Variants in SLBP observed in about 807,000 individuals in gnomAD.
SLBP encodes the protein histone RNA hairpin-binding protein.
In SLBP, 29 loss-of-function variants were observed where a neutral mutation model predicts 39.2. That is an observed-to-expected ratio of 0.74 (90% confidence interval 0.55 to 1.01). The LOEUF is 1.01. Ranked by LOEUF, SLBP falls within the 50% of genes least tolerant of loss-of-function variation. The pLI, the probability that SLBP is intolerant of heterozygous loss-of-function variation, is 0.00. For synonymous variants in SLBP, 129 were observed against 118.7 expected (o/e 1.09, Z -0.57); for missense variants, 390 against 350.2 (o/e 1.11, Z -0.91).
chr4:1,711,935 G>T lies in SLBP; in HGVS notation c.115C>A (p.Arg39Ser). 1 of 1,351,980 alleles carries T rather than the reference G, an allele frequency of 7.4e-7. No individual in the cohort carries two copies. The highest frequency in any genetic ancestry group is 3.1e-5 in the East Asian group (1 of 32,428). 83.7% of individuals were successfully genotyped at this position (1,351,980 alleles called of 1,614,324 possible). Residue 39 changes from arginine to serine, a missense_variant, in exon 2 of 8, where the codon CGC (arginine) becomes AGC (serine). By Grantham distance (110) the Arg-to-Ser change is moderately radical. Coordinates refer to ENST00000489418, the MANE Select transcript of SLBP (RefSeq NM_006527.4). ...LGRKRRADGR[R>S]WRPEDAEEAE... is the part of the protein sequence containing the mutation. ...TCCTCGGCGTCTTCGGGCCTCCAGC[G>T]CCTGCCGTCGGCTCTGCGCTTCCGT...
rs1716820504 is a variant in SLBP, at chr4:1,712,316, C to G, written c.-128G>C. On this transcript the variant is annotated 5_prime_UTR_variant, in exon 1 of 8. Transcript: ENST00000489418. Reference sequence around the variant, plus strand: ...GCGTCCCCGCGCCGGCGCTCACGAGCTCTGCGCGCCCCGCCCCCAACCGCC... The same window carrying G: ...GCGTCCCCGCGCCGGCGCTCACGAGGTCTGCGCGCCCCGCCCCCAACCGCC... The G allele has an allele frequency of 9.5e-6, 5 of 524,116 alleles. No individual in the cohort carries two copies. The East Asian group carries it at 1.8e-4, about 19-fold the overall frequency. 32.5% of individuals were successfully genotyped at this position (524,116 alleles called of 1,614,324 possible).
At chr4:1,707,365 G>A (rs1716563676) in intron 2 of SLBP, among the ~76,000 whole-genome samples, 1 of 149,354 alleles carries the variant, frequency 6.7e-6, no homozygotes, top group Admixed American at 6.7e-5. Context: ...AATCAGCTGG[G>A]TGTGGTGGTG....
chr4:1,695,258 A>C (rs1340065525), intron 6 of SLBP, among the ~76,000 whole-genome samples: 1 of 152,230 alleles, frequency 6.6e-6, no homozygotes, highest in African/African-American at 2.4e-5. Context: ...AAACTGGTAA[A>C]GCCACTTACA....
In SLBP at chr4:1,701,439, G is replaced by A. The variant is rs568874446; in HGVS notation, c.282-1369C>T. On this transcript the variant is annotated intron_variant, in intron 3 of 7. Coordinates refer to ENST00000489418, the MANE Select transcript of SLBP (RefSeq NM_006527.4). Reference sequence around the variant, plus strand: ...TGCGATTACAGGTGTGAGCCACCATGCCATGCAGAAAATCCATTTTCATAC... The same window carrying A: ...TGCGATTACAGGTGTGAGCCACCATACCATGCAGAAAATCCATTTTCATAC... 3.9e-5 allele frequency among the ~76,000 whole-genome samples: 6 copies of A among 152,266 alleles called. No homozygotes were observed. In the South Asian group the frequency reaches 1.2e-3, roughly 32 times the overall value.
At chr4:1,711,611 G>A (rs1365626794) in intron 2 of SLBP, among the ~76,000 whole-genome samples, 1 of 152,240 alleles carries the variant, frequency 6.6e-6, no homozygotes. Flanking sequence ...TCTCCCGGGA[G>A]CACAACACAG....
At chr4:1,711,322 G>C (rs1021990628) in intron 2 of SLBP, among the ~76,000 whole-genome samples, 9 of 151,726 alleles carry the variant, frequency 5.9e-5, no homozygotes, top group Non-Finnish European at 8.8e-5. Flanking sequence ...CCCCCAGTGC[G>C]GGACGAGCCA....
At chr4:1,701,146 CTTTTTT>C (rs369039404) in intron 3 of SLBP, among the ~76,000 whole-genome samples, 2 of 123,676 alleles carry the variant, frequency 1.6e-5, no homozygotes, top group Admixed American at 9.2e-5. Context: ...TCTTTTTTTT[CTTTTTT>C]TTTTTTTTTT....
intron 4 of SLBP, 23 bp from the exon 5 acceptor site, chr4:1,699,724 G>C: frequency 5.0e-6 from 8 of 1,609,324 alleles, no homozygotes; most frequent in Non-Finnish European, 6.8e-6. Context: ...CAGATTAACA[G>C]AATAAGCCCT....
intron 2 of SLBP, among the ~76,000 whole-genome samples, chr4:1,708,203 G>T (rs1367668175): frequency 1.3e-5 from 2 of 152,058 alleles, no homozygotes; most frequent in African/African-American, 4.8e-5. Flanking sequence ...AGTGAGGTGA[G>T]ATCACACCAC....
Position 1,711,988 on chromosome 4 carries a change from G to A in SLBP, c.62C>T (p.Pro21Leu), listed in dbSNP as rs1716796400. The change falls in exon 2 of 8, where the codon CCG becomes CTG. Residue 21 changes from proline to leucine, a missense_variant and splice_region_variant. Pro to Leu is a moderately conservative substitution (Grantham distance 98). Coordinates refer to ENST00000489418, the MANE Select transcript of SLBP (RefSeq NM_006527.4). ...HQSRCDGDAS[P>L]PSPARWSLGR... ...CAGGCTCCATCGCGCGGGGGACGGC[G>A]GGCTGCGGGGAGGGACGCGGTCGGC... 12 of 1,291,838 alleles carry A rather than the reference G, an allele frequency of 9.3e-6. No individual in the cohort carries two copies. The highest frequency in any genetic ancestry group is 4.2e-5 in the Admixed American group (1 of 23,982). The allele number at this position is 1,291,838 out of a possible 1,614,324, so 80.0% of individuals were successfully genotyped here.
intron 3 of SLBP, among the ~76,000 whole-genome samples, chr4:1,701,088 T>G (rs1473730422): frequency 6.6e-6 from 1 of 152,008 alleles, no homozygotes; most frequent in Non-Finnish European, 1.5e-5. Context: ...TTCTCTCCAG[T>G]ACCACAGATG....
At chr4:1,704,222 T>C (rs1716435844) in intron 2 of SLBP, among the ~76,000 whole-genome samples, 1 of 152,232 alleles carries the variant, frequency 6.6e-6, no homozygotes, top group Non-Finnish European at 1.5e-5. Context: ...GGTATGTGTT[T>C]ATAAAGTCAT....
chr4:1,705,947 T>C (rs1191987945), intron 2 of SLBP, among the ~76,000 whole-genome samples: 1 of 152,176 alleles, frequency 6.6e-6, no homozygotes, highest in East Asian at 1.9e-4. Flanking sequence ...ATCCTGGCAC[T>C]GCACTCCAGT....
Position 1,693,556 on chromosome 4 carries a change from T to C in SLBP, c.*41A>G, listed in dbSNP as rs371609451. 9.5e-5 allele frequency: 117 copies of C among 1,229,756 alleles called. No individual in the cohort carries two copies. The African/African-American group carries it at 1.5e-3, about 16-fold the overall frequency. The allele number at this position is 1,229,756 out of a possible 1,614,324, so 76.2% of individuals were successfully genotyped here. A position where few individuals can be genotyped will look rare whatever the true frequency, so the allele number is the denominator to read the frequency against. ...GGTGCCTGGCCAGCCTTCCACCTAG[T>C]CGGGGAGGAGCTGTTTCTCTTCCTG... is the stretch of plus-strand genomic sequence containing the variant. On this transcript the variant is annotated 3_prime_UTR_variant, in exon 8 of 8. Transcript: ENST00000489418.
chr4:1,703,722 A>C (rs2108661877), intron 2 of SLBP, 22 bp from the exon 3 acceptor site: 1 of 1,463,290 alleles, frequency 6.8e-7, no homozygotes, highest in African/African-American at 1.4e-5. Flanking sequence ...GGAAAATGCT[A>C]CTGAACCATG....
intron 2 of SLBP, among the ~76,000 whole-genome samples, chr4:1,711,291 A>G (rs1024252041): frequency 2.0e-5 from 3 of 151,660 alleles, no homozygotes; most frequent in South Asian, 4.2e-4. Context: ...CACGCCTTTC[A>G]GGGAACTCAG....
intron 2 of SLBP, among the ~76,000 whole-genome samples, chr4:1,709,218 C>T (rs1716637700): frequency 6.6e-6 from 1 of 152,164 alleles, no homozygotes; most frequent in Middle Eastern, 3.2e-3. Flanking sequence ...CATGCGCCAC[C>T]ATGCCCGACT....
chr4:1,712,002 G>T lies in SLBP; in HGVS notation c.60-12C>A. ...CGGGGGACGGCGGGCTGCGGGGAGGGACGCGGTCGGCTGGGCACGGGAGGT... is the reference window on the plus strand; with the variant it reads ...CGGGGGACGGCGGGCTGCGGGGAGGTACGCGGTCGGCTGGGCACGGGAGGT... On this transcript the variant is annotated splice_polypyrimidine_tract_variant and intron_variant, in intron 1 of 7. Coordinates refer to ENST00000489418, the MANE Select transcript of SLBP (RefSeq NM_006527.4). 9.3e-6 allele frequency: 12 copies of T among 1,286,056 alleles called. 1 individual carries two copies. Among genetic ancestry groups the T allele is most frequent in the Non-Finnish European group, 1.2e-5 (12 of 1,015,620 alleles). 79.7% of individuals were successfully genotyped at this position (1,286,056 alleles called of 1,614,324 possible).
At chr4:1,694,656 G>C in intron 7 of SLBP, 118 bp downstream of exon 7, 1 of 752,472 alleles carries the variant, frequency 1.3e-6, no homozygotes, top group Non-Finnish European at 2.4e-6. Context: ...CTCCCAAGGT[G>C]CTGGGATTAC....
Sources: allele counts gnomAD v4.1 joint callset (sites outside exome capture counted in the v4.1 genomes callset), GRCh38; gene constraint gnomAD v4.1.1; transcripts MANE v1.5; gene names NCBI Gene and HGNC (gene_info 2026-07-23, HGNC 2026-07-21).